PRKCB: variants seen among roughly 807,000 people sequenced by gnomAD.
PRKCB encodes the protein protein kinase C beta, also known as protein kinase C beta type.
Under a neutral mutation model 81.5 loss-of-function variants are expected in PRKCB, and 13 were observed. That is an observed-to-expected ratio of 0.16 (90% CI 0.10 to 0.25). PRKCB has a LOEUF of 0.25. Among genes scored for constraint, PRKCB ranks in the 10% least tolerant of loss-of-function variants. The pLI, the probability that PRKCB is intolerant of heterozygous loss-of-function variation, is 1.00. For synonymous variants in PRKCB, 335 were observed against 321.4 expected, an observed-to-expected ratio of 1.04 and a Z score of -0.45; for missense variants, 509 against 875.7, an observed-to-expected ratio of 0.58 and a Z score of 5.29.
chr16:24,199,404 T>C (rs1325287600), intron 16 of PRKCB, among the ~76,000 whole-genome samples: 1 of 152,206 alleles, frequency 6.6e-6, no homozygotes, highest in Non-Finnish European at 1.5e-5. Context: ...CCTCTGTGTG[T>C]GTGTGTCTGA....
intron 2 of PRKCB, among the ~76,000 whole-genome samples, chr16:23,878,709 A>C (rs1963056569): frequency 6.6e-6 from 1 of 152,214 alleles, no homozygotes; most frequent in South Asian, 2.1e-4. Context: ...GTTATAAATA[A>C]ATTTTAGCAA....
intron 2 of PRKCB, among the ~76,000 whole-genome samples, chr16:23,882,336 A>G (rs1007882865): frequency 1.3e-5 from 2 of 151,932 alleles, no homozygotes; most frequent in Non-Finnish European, 2.9e-5. Flanking sequence ...CTCCCATCTC[A>G]GCCTCCTGAG....
At chr16:23,952,231 C>T (rs1567324055) in intron 2 of PRKCB, among the ~76,000 whole-genome samples, 1 of 152,198 alleles carries the variant, frequency 6.6e-6, no homozygotes, top group South Asian at 2.1e-4. Flanking sequence ...GCTCAGCTGA[C>T]ATTTCAAAAG....
chr16:23,954,138 G>A (rs189307925), intron 2 of PRKCB, among the ~76,000 whole-genome samples: 6 of 152,094 alleles, frequency 3.9e-5, no homozygotes, highest in Admixed American at 1.3e-4. Context: ...TAGTAGAGAC[G>A]GGGTTTCATC....
At chr16:24,197,020 G>A (rs566311842) in intron 16 of PRKCB, among the ~76,000 whole-genome samples, 5 of 151,682 alleles carry the variant, frequency 3.3e-5, no homozygotes, top group East Asian at 1.9e-4. Context: ...GGGAAGAAGC[G>A]TGTGCTGGTT....
intron 10 of PRKCB, among the ~76,000 whole-genome samples, chr16:24,162,441 A>ATTTTTTTT (rs1567397400): frequency 8.3e-6 from 1 of 119,802 alleles, no homozygotes. Context: ...AACAGAGAAG[A>ATTTTTTTT]CTTTTTTTTT....
At chr16:24,135,592 C>T (rs575699444) in intron 9 of PRKCB, among the ~76,000 whole-genome samples, 1 of 152,214 alleles carries the variant, frequency 6.6e-6, no homozygotes, top group African/African-American at 2.4e-5. Context: ...GGATTACAGG[C>T]TTGAGCCACC....
intron 3 of PRKCB, among the ~76,000 whole-genome samples, chr16:23,988,842 G>A (rs1298906386): frequency 1.3e-5 from 2 of 152,146 alleles, no homozygotes; most frequent in Non-Finnish European, 2.9e-5. Flanking sequence ...GCTGGAGCAC[G>A]GAGGGTGAGA....
At chr16:23,900,752 T>TTG (rs1963459266) in intron 2 of PRKCB, among the ~76,000 whole-genome samples, 1 of 102,636 alleles carries the variant, frequency 9.7e-6, no homozygotes, top group Non-Finnish European at 1.9e-5. Flanking sequence ...TTTTTTTTTG[T>TTG]GGCTGTCCCA....
At position 24,067,925 on chromosome 16, in the gene PRKCB, G is replaced by A. The variant is rs577889633; in HGVS notation, c.530-24866G>A. On this transcript the variant is annotated intron_variant, in intron 5 of 16. Transcript: ENST00000643927. ...GAGGTTACAGTGAGCCTGGGTGACAGAGCGAGACTCCGTCTCAAAAAAAAA... is the reference window on the plus strand; with the variant it reads ...GAGGTTACAGTGAGCCTGGGTGACAAAGCGAGACTCCGTCTCAAAAAAAAA... Among the ~76,000 whole-genome samples the A allele has an allele frequency of 2.0e-4, 29 of 146,524 alleles. No homozygotes were observed. The South Asian group carries it at 5.8e-3, about 29-fold the overall frequency.
At chr16:24,189,938 T>A (rs1160111110) in intron 15 of PRKCB, among the ~76,000 whole-genome samples, 2 of 152,194 alleles carry the variant, frequency 1.3e-5, no homozygotes, top group Admixed American at 1.3e-4. Context: ...TCTTTTTTTT[T>A]AATTAATCAC....
chr16:24,120,564 A>G (rs1032724904), intron 8 of PRKCB, among the ~76,000 whole-genome samples: 46 of 151,980 alleles, frequency 3.0e-4, no homozygotes, highest in Admixed American at 2.0e-4. Flanking sequence ...GCTTCTTCTC[A>G]TCTCAGTGGA....
intron 9 of PRKCB, among the ~76,000 whole-genome samples, chr16:24,141,043 C>T (rs1046308568): frequency 2.0e-5 from 3 of 152,140 alleles, no homozygotes; most frequent in East Asian, 1.9e-4. Flanking sequence ...TTTGCAAAGG[C>T]GATTTCATTC....
intron 2 of PRKCB, among the ~76,000 whole-genome samples, chr16:23,929,195 C>T (rs150809427): frequency 1.4e-4 from 22 of 152,096 alleles, no homozygotes; most frequent in Middle Eastern, 3.4e-3. Flanking sequence ...GGAATCTAGG[C>T]GGCCGAAGGA....
chr16:24,057,835 T>C (rs1461116698), intron 5 of PRKCB, among the ~76,000 whole-genome samples: 1 of 152,124 alleles, frequency 6.6e-6, no homozygotes, highest in African/African-American at 2.4e-5. Context: ...GAAAGATGAA[T>C]AGAAACTTTG....
intron 2 of PRKCB, among the ~76,000 whole-genome samples, chr16:23,900,162 A>G (rs1418962887): frequency 1.3e-5 from 2 of 152,200 alleles, no homozygotes; most frequent in East Asian, 3.9e-4. Flanking sequence ...CAAAATATAC[A>G]AGACAGCCTC....
At chr16:23,994,098 C>T (rs1333784682) in intron 3 of PRKCB, among the ~76,000 whole-genome samples, 1 of 152,154 alleles carries the variant, frequency 6.6e-6, no homozygotes, top group Non-Finnish European at 1.5e-5. Flanking sequence ...CCAAAGGGAC[C>T]TACTGCTTTT....
intron 2 of PRKCB, among the ~76,000 whole-genome samples, chr16:23,908,593 G>A (rs372469963): frequency 3.3e-4 from 50 of 152,080 alleles, no homozygotes; most frequent in African/African-American, 1.1e-3. Flanking sequence ...GTGCAGTGGC[G>A]CCATCTCGGC....
chr16:24,096,666 A>AAAATATATATATATATAT (rs1406204037), intron 7 of PRKCB, among the ~76,000 whole-genome samples: 3 of 32,686 alleles, frequency 9.2e-5, no homozygotes, highest in East Asian at 1.2e-3. Flanking sequence ...AAAAAAAAAA[A>AAAATATATATATATATAT]ATATATATAT....
Sources: gnomAD v4.1 joint callset for allele counts (sites outside exome capture counted in the v4.1 genomes callset) on GRCh38, gnomAD v4.1.1 for gene constraint, MANE v1.5 for transcripts, NCBI Gene and HGNC (gene_info 2026-07-23, HGNC 2026-07-21) for gene names.